Variants in BAZ1B observed in about 807,000 individuals in gnomAD.
The protein encoded by BAZ1B is tyrosine-protein kinase BAZ1B.
Under a neutral mutation model 153.8 loss-of-function variants are expected in BAZ1B, and 22 were observed. The observed-to-expected ratio is 0.14, with a 90% confidence interval of 0.10 to 0.20. The LOEUF (loss-of-function observed/expected upper bound fraction) is 0.20. Ranked by LOEUF, BAZ1B falls within the 10% of genes least tolerant of loss-of-function variation. The pLI is 1.00. For missense variants in BAZ1B, 1,325 were observed against 1,799.3 expected (o/e 0.74, Z 4.77); for synonymous variants, 676 against 633.4 (o/e 1.07, Z -1.01).
At chr7:73,516,797 AAAC>A (rs1554579370) in intron 1 of BAZ1B, among the ~76,000 whole-genome samples, 60 of 148,636 alleles carry the variant, frequency 4.0e-4, no homozygotes, top group African/African-American at 1.2e-3. Flanking sequence ...AAAAAAAAAA[AAAC>A]AACTGTAAAA....
intron 4 of BAZ1B, among the ~76,000 whole-genome samples, chr7:73,497,065 C>CAAAAA (rs1156829240): frequency 2.8e-4 from 14 of 49,514 alleles, no homozygotes; most frequent in Admixed American, 4.7e-4. Flanking sequence ...CTGACCTCTA[C>CAAAAA]AAAAAAAAAA....
At chr7:73,508,601 T>A (rs769198377) in intron 2 of BAZ1B, 130 bp from the exon 3 acceptor site, 16 of 1,036,082 alleles carry the variant, frequency 1.5e-5, no homozygotes, top group Non-Finnish European at 2.2e-5. Context: ...TCACCAAGGC[T>A]GGAGTGCAGT....
intron 1 of BAZ1B, among the ~76,000 whole-genome samples, chr7:73,517,541 T>A (rs1202286268): frequency 6.6e-6 from 1 of 151,742 alleles, no homozygotes; most frequent in African/African-American, 2.4e-5. Context: ...AGAAAAAAAA[T>A]GAAAATGAAA....
chr7:73,456,831 A>C (rs1171336870), intron 13 of BAZ1B, among the ~76,000 whole-genome samples: 2 of 150,838 alleles, frequency 1.3e-5, no homozygotes, highest in Non-Finnish European at 2.9e-5. Flanking sequence ...CTATAGTCTC[A>C]GCTACTTGGG....
chr7:73,507,878 A>T (rs1790407465), intron 3 of BAZ1B, among the ~76,000 whole-genome samples: 1 of 152,216 alleles, frequency 6.6e-6, no homozygotes, highest in African/African-American at 2.4e-5. Context: ...TAAACAAATA[A>T]ATAAAAATAA....
At chr7:73,521,299 C>T (rs548226512) in intron 1 of BAZ1B, among the ~76,000 whole-genome samples, 1 of 152,108 alleles carries the variant, frequency 6.6e-6, no homozygotes, top group South Asian at 2.1e-4. Context: ...AAAGTCCCCT[C>T]GGGAGACGAA....
At chr7:73,488,730 A>AT (rs1789519757) in intron 6 of BAZ1B, among the ~76,000 whole-genome samples, 1 of 151,170 alleles carries the variant, frequency 6.6e-6, no homozygotes, top group Admixed American at 6.6e-5. Flanking sequence ...AAAAAAAAAA[A>AT]CAAAAAAAAC....
chr7:73,456,231 A>G (rs1336971496), intron 13 of BAZ1B, among the ~76,000 whole-genome samples: 1 of 152,236 alleles, frequency 6.6e-6, no homozygotes, highest in African/African-American at 2.4e-5. Context: ...AGAAACGTTC[A>G]TGACACTGAA....
At chr7:73,448,115 A>C (rs1467491468) in intron 15 of BAZ1B, among the ~76,000 whole-genome samples, 1 of 152,068 alleles carries the variant, frequency 6.6e-6, no homozygotes, top group East Asian at 1.9e-4. Flanking sequence ...GACTAGCCTG[A>C]CCAACATGGA....
At chr7:73,445,028 A>AACACACAC (rs10557903) in intron 16 of BAZ1B, among the ~76,000 whole-genome samples, 4 of 148,490 alleles carry the variant, frequency 2.7e-5, no homozygotes, top group Non-Finnish European at 6.0e-5. Context: ...AAAGAAAAAA[A>AACACACAC]ACACACACAC....
At chr7:73,493,034 G>T in intron 4 of BAZ1B, 113 bp from the exon 5 acceptor site, 2 of 1,112,402 alleles carry the variant, frequency 1.8e-6, no homozygotes, top group Non-Finnish European at 2.5e-6. Context: ...GGGTGATGCA[G>T]TACAAAAATG....
At chr7:73,491,095 G>C (rs1470791244) in intron 5 of BAZ1B, among the ~76,000 whole-genome samples, 1 of 151,804 alleles carries the variant, frequency 6.6e-6, no homozygotes, top group African/African-American at 2.4e-5. Flanking sequence ...AGACCAGCCT[G>C]GCCAACATAG....
chr7:73,511,943 A>G (rs1187079166), intron 1 of BAZ1B, among the ~76,000 whole-genome samples: 1 of 149,792 alleles, frequency 6.7e-6, no homozygotes, highest in African/African-American at 2.5e-5. Flanking sequence ...AGGCAGGAGA[A>G]TCACTTGAAC....
intron 13 of BAZ1B, among the ~76,000 whole-genome samples, chr7:73,451,557 G>A (rs1788027604): frequency 6.6e-6 from 1 of 152,178 alleles, no homozygotes. Flanking sequence ...GAGGGGAACA[G>A]GGCTGCTTTT....
rs144549081 is a variant in BAZ1B at position 73,496,057 on chromosome 7, C to T, written c.571+2440G>A. ...TATAACAGAAAAGTCCAACACAGGC[C>T]AAGAAGAAATCTCTGCTTTTGACAA... is the stretch of plus-strand genomic sequence containing the variant. On this transcript the variant is annotated intron_variant, in intron 4 of 19. Transcript: ENST00000339594. 4.3e-3 allele frequency among the ~76,000 whole-genome samples: 654 copies of T among 152,072 alleles called. 3 individuals carry two copies. Among genetic ancestry groups the T allele is most frequent in the Non-Finnish European group, 6.6e-3 (446 of 67,976 alleles).
chr7:73,478,080 G>A lies in BAZ1B; in HGVS notation c.1381C>T (p.Pro461Ser). 6.2e-7 allele frequency: 1 copy of A among 1,614,160 alleles called. No individual in the cohort carries two copies. Among genetic ancestry groups the A allele is most frequent in the East Asian group, 2.2e-5 (1 of 44,882 alleles). Residue 461 changes from proline to serine, a missense_variant, in exon 7 of 20, where the codon CCT (proline) becomes TCT (serine). Coordinates refer to ENST00000339594, the MANE Select transcript of BAZ1B (RefSeq NM_032408.4). ...TRAPRNSGGT[P>S]RTSSKPHKHL... ...TTATGAGGTTTACTAGAGGTCCTAG[G>A]TGTACCCCCAGAATTCCGTGGGGCT... is the stretch of plus-strand genomic sequence containing the variant.
intron 4 of BAZ1B, among the ~76,000 whole-genome samples, chr7:73,493,578 C>T (rs894047326): frequency 6.6e-6 from 1 of 151,888 alleles, no homozygotes; most frequent in Admixed American, 6.6e-5. Flanking sequence ...TGGTAGTTCA[C>T]GCCTGTAATC....
At chr7:73,448,333 T>G (rs1583885094) in intron 15 of BAZ1B, among the ~76,000 whole-genome samples, 1 of 152,318 alleles carries the variant, frequency 6.6e-6, no homozygotes, top group Non-Finnish European at 1.5e-5. Context: ...AGAGTACCTA[T>G]AAGCTGCACA....
chr7:73,520,367 A>G (rs1212463423), intron 1 of BAZ1B, among the ~76,000 whole-genome samples: 3 of 152,190 alleles, frequency 2.0e-5, no homozygotes, highest in Admixed American at 6.6e-5. Context: ...TACCATAATG[A>G]CAAAAAAGTG....
Sources: allele counts gnomAD v4.1 joint callset (sites outside exome capture counted in the v4.1 genomes callset), GRCh38; gene constraint gnomAD v4.1.1; transcripts MANE v1.5; gene names NCBI Gene and HGNC (gene_info 2026-07-23, HGNC 2026-07-21).